NUP188: variants seen among roughly 807,000 people sequenced by gnomAD.
NUP188 encodes nucleoporin 188, also known as nucleoporin NUP188.
A neutral mutation model predicts 223.0 loss-of-function variants in NUP188; 97 were observed. That is an observed-to-expected ratio of 0.43 (90% CI 0.37 to 0.51). The LOEUF is 0.51. Ranked by LOEUF, NUP188 falls within the 20% of genes least tolerant of loss-of-function variation. The pLI is 0.00. For synonymous variants in NUP188, 869 were observed against 828.0 expected, an observed-to-expected ratio of 1.05 and a Z score of -0.85; for missense variants, 1,947 against 2,175.6, an observed-to-expected ratio of 0.89 and a Z score of 2.09.
At chr9:128,999,941 A>T in intron 34 of NUP188, 136 bp downstream of exon 34, 3 of 776,076 alleles carry the variant, frequency 3.9e-6, no homozygotes, top group Non-Finnish European at 6.2e-6. Flanking sequence ...AAAGGTTAAT[A>T]GATCAGACAC....
intron 30 of NUP188, among the ~76,000 whole-genome samples, chr9:128,997,686 G>A (rs2131184712): frequency 6.6e-6 from 1 of 151,310 alleles, no homozygotes; most frequent in Admixed American, 6.6e-5. Flanking sequence ...GTTGAGATAG[G>A]GTCTCATCAT....
rs567792627 is a variant in NUP188 at position 128,961,169 on chromosome 9, C to CA, written c.585+2046dup. ...GCCCTGTCTCTAGTAAAAAAATATA[C>CA]AAAAAAAAAAATTAGCTGAGCATGG... On this transcript the variant is annotated intron_variant, in intron 8 of 43. Coordinates refer to ENST00000372577, the MANE Select transcript of NUP188 (RefSeq NM_015354.3). Among the ~76,000 whole-genome samples, 227 of 132,716 alleles carry CA rather than the reference C, an allele frequency of 1.7e-3. 3 individuals are homozygous for CA. The highest frequency in any genetic ancestry group is 2.8e-3 in the Non-Finnish European group (174 of 61,394). The allele number at this position is 132,716 out of a possible 152,430, so 87.1% of individuals were successfully genotyped here.
At chr9:128,972,582 T>G (rs1489931618) in intron 11 of NUP188, among the ~76,000 whole-genome samples, 1 of 152,224 alleles carries the variant, frequency 6.6e-6, no homozygotes, top group Non-Finnish European at 1.5e-5. Flanking sequence ...AGAGTGACCC[T>G]TAGTGTAAAC....
At chr9:128,985,846 C>T (rs1842325198) in intron 20 of NUP188, among the ~76,000 whole-genome samples, 1 of 152,122 alleles carries the variant, frequency 6.6e-6, no homozygotes, top group South Asian at 2.1e-4. Context: ...TGAGACCAGC[C>T]TGGCCAACAT....
chr9:128,988,077 G>A lies in NUP188; in HGVS notation c.2424G>A (p.Gln808=). The A allele has an allele frequency of 6.2e-7, 1 of 1,614,258 alleles. No individual in the cohort carries two copies. The change falls in exon 24 of 44, where the codon CAG becomes CAA. Residue 808 remains glutamine, a synonymous_variant. Transcript: ENST00000372577. ...GGGCAGAGGGCCAGGGGCAGGGCCA[G>A]CTGCTGATCAAGACAGTGAAACTGG... ...SDGAEGQGQG[Q]LLIKTVKLAF...
At chr9:128,979,356 A>G (rs1302957988) in intron 13 of NUP188, 29 bp downstream of exon 13, 2 of 1,531,584 alleles carry the variant, frequency 1.3e-6, no homozygotes, top group South Asian at 1.1e-5. Context: ...GTCACTGCAT[A>G]GCAAAAGAAT....
At position 128,990,310 on chromosome 9, in the gene NUP188, T is replaced by A. The variant is rs561205442; in HGVS notation, c.2640+84T>A. 3 of 1,065,514 alleles carry A rather than the reference T, an allele frequency of 2.8e-6. No individual in the cohort carries two copies. In the East Asian group the frequency reaches 7.1e-5, roughly 25 times the overall value. The allele number at this position is 1,065,514 out of a possible 1,614,324, so 66.0% of individuals were successfully genotyped here. Reference sequence around the variant, plus strand: ...TTACAAAAGACATGCTCAGGCCACGTGCAGCGGCTTAACGCCTGTATATAA... The same window carrying A: ...TTACAAAAGACATGCTCAGGCCACGAGCAGCGGCTTAACGCCTGTATATAA... On this transcript the variant is annotated intron_variant, in intron 25 of 43. Transcript: ENST00000372577.
At chr9:128,953,612 A>G (rs1364788343) in intron 3 of NUP188, among the ~76,000 whole-genome samples, 2 of 152,190 alleles carry the variant, frequency 1.3e-5, no homozygotes, top group African/African-American at 4.8e-5. Flanking sequence ...AATCCCAGAT[A>G]CCTTGTTATT....
At chr9:128,962,738 G>C (rs2131147636) in intron 8 of NUP188, among the ~76,000 whole-genome samples, 1 of 152,264 alleles carries the variant, frequency 6.6e-6, no homozygotes, top group South Asian at 2.1e-4. Flanking sequence ...AAAGTGCTGG[G>C]ATTATAGGTG....
chr9:128,983,601 A>G (rs1292047307), intron 19 of NUP188, 51 bp downstream of exon 19: 1 of 1,204,772 alleles, frequency 8.3e-7, no homozygotes, highest in Non-Finnish European at 1.2e-6. Flanking sequence ...AGAACCACAT[A>G]TGTCTCAGAT....
chr9:128,999,892 A>G, intron 34 of NUP188, 87 bp downstream of exon 34: 1 of 1,281,768 alleles, frequency 7.8e-7, no homozygotes, highest in Non-Finnish European at 1.1e-6. Flanking sequence ...TGATCAAGAC[A>G]GATAGTCGCT....
At chr9:128,994,997 A>C in intron 29 of NUP188, 74 bp downstream of exon 29, 1 of 1,134,006 alleles carries the variant, frequency 8.8e-7, no homozygotes, top group South Asian at 1.2e-5. Flanking sequence ...CACTGGGTGC[A>C]TGGCTGGAAG....
intron 15 of NUP188, among the ~76,000 whole-genome samples, chr9:128,981,669 C>T (rs1842256014): frequency 6.6e-6 from 1 of 152,136 alleles, no homozygotes; most frequent in African/African-American, 2.4e-5. Flanking sequence ...GCATCATCAC[C>T]ACTGACTTCT....
intron 25 of NUP188, among the ~76,000 whole-genome samples, chr9:128,992,084 T>A (rs1250591267): frequency 3.3e-5 from 5 of 151,372 alleles, no homozygotes; most frequent in Non-Finnish European, 7.4e-5. Context: ...TTTTTTGTAT[T>A]TTTTTTAGTA....
intron 11 of NUP188, among the ~76,000 whole-genome samples, chr9:128,972,152 G>A (rs1380748524): frequency 6.6e-6 from 1 of 152,196 alleles, no homozygotes; most frequent in African/African-American, 2.4e-5. Context: ...CATACACACA[G>A]ACCTTTATAG....
At chr9:128,991,831 A>G (rs1842437329) in intron 25 of NUP188, among the ~76,000 whole-genome samples, 1 of 139,482 alleles carries the variant, frequency 7.2e-6, no homozygotes, top group Non-Finnish European at 1.6e-5. Flanking sequence ...CGACAGAGTC[A>G]AAAAAAAAAA....
At chr9:128,998,756 C>T (rs895154536) in intron 32 of NUP188, 133 bp downstream of exon 32, 10 of 709,636 alleles carry the variant, frequency 1.4e-5, no homozygotes, top group African/African-American at 8.7e-5. Flanking sequence ...AGTGACATAG[C>T]AGATAGGAGG....
chr9:128,983,269 T>C lies in NUP188; in HGVS notation c.1797-24T>C, dbSNP rs719703. 584,617 of 1,592,612 alleles carry C rather than the reference T, an allele frequency of 0.37. 111,917 individuals are homozygous for C. Among genetic ancestry groups the C allele is most frequent in the Admixed American group, 0.42 (25,241 of 59,950 alleles). On this transcript the variant is annotated intron_variant, in intron 17 of 43. Coordinates refer to ENST00000372577, the MANE Select transcript of NUP188 (RefSeq NM_015354.3). ...CAGTTGTATTATTTGCTTTATTGAG[T>C]ATAGTGTATTGTTCTCCAACCAGGT...
chr9:128,974,582 A>G (rs1350886885), intron 12 of NUP188, among the ~76,000 whole-genome samples: 3 of 152,002 alleles, frequency 2.0e-5, no homozygotes, highest in African/African-American at 7.2e-5. Context: ...ACAAAATTAC[A>G]TAATGAACCC....
Sources: gnomAD v4.1 joint callset for allele counts (sites outside exome capture counted in the v4.1 genomes callset) on GRCh38, gnomAD v4.1.1 for gene constraint, MANE v1.5 for transcripts, NCBI Gene and HGNC (gene_info 2026-07-23, HGNC 2026-07-21) for gene names.